The following SPDYC variants were observed in gnomAD, a reference collection of about 807,000 sequenced individuals.
SPDYC encodes speedy protein C.
SPDYC carries 25 observed loss-of-function variants against 33.9 expected under a neutral mutation model. The ratio of observed to expected loss-of-function variants is 0.74; its 90% confidence interval spans 0.54 to 1.03. The LOEUF is 1.03. Among genes scored for constraint, SPDYC ranks in the 50% least tolerant of loss-of-function variants. SPDYC has a pLI of 0.00. For missense variants in SPDYC, 349 were observed against 382.9 expected, an observed-to-expected ratio of 0.91 and a Z score of 0.74; for synonymous variants, 133 against 140.2, an observed-to-expected ratio of 0.95 and a Z score of 0.36.
chr11:65,172,233 T>C lies in SPDYC; in HGVS notation c.259-13T>C, dbSNP rs761845537. On this transcript the variant is annotated splice_polypyrimidine_tract_variant and intron_variant, in intron 3 of 6. Coordinates refer to ENST00000377185, the Ensembl canonical transcript of SPDYC. Reference sequence around the variant, plus strand: ...GAGAATAACTAACCCCCCACCCCGATCTGTCTCTGCAGTATCTCCTGGCCA... The same window carrying C: ...GAGAATAACTAACCCCCCACCCCGACCTGTCTCTGCAGTATCTCCTGGCCA... 3.7e-6 allele frequency: 6 copies of C among 1,614,074 alleles called. No homozygotes were observed. The highest frequency in any genetic ancestry group is 5.1e-6 in the Non-Finnish European group (6 of 1,179,950).
chr11:65,173,054 G>T, intron 6 of SPDYC, 40 bp downstream of exon 6: 1 of 1,603,202 alleles, frequency 6.2e-7, no homozygotes, highest in Non-Finnish European at 8.5e-7. Context: ...GCTGGTGTGG[G>T]AGCTTGGGAG....
intron 3 of SPDYC, 53 bp downstream of exon 3, chr11:65,172,054 A>G: frequency 6.3e-7 from 1 of 1,592,912 alleles, no homozygotes; most frequent in Non-Finnish European, 8.6e-7. Context: ...GTTGGTGGGA[A>G]TTGAGTGCCC....
chr11:65,172,208 G>T, intron 3 of SPDYC, 38 bp from the exon 4 acceptor site: 2 of 1,612,284 alleles, frequency 1.2e-6, no homozygotes, highest in Non-Finnish European at 8.5e-7. Flanking sequence ...CTCCTCCTCA[G>T]AGAATAACTA....
chr11:65,171,597 C>G, intron 2 of SPDYC, 98 bp downstream of exon 2: 1 of 1,313,526 alleles, frequency 7.6e-7, no homozygotes, highest in Non-Finnish European at 1.0e-6. Context: ...CATCTGAGAC[C>G]TCTGACCCTC....
chr11:65,171,237 C>A, intron 1 of SPDYC, 90 bp from the exon 2 acceptor site: 1 of 1,411,266 alleles, frequency 7.1e-7, no homozygotes, highest in Non-Finnish European at 9.5e-7. Flanking sequence ...CTGCACCCAC[C>A]CCTCCACCGT....
chr11:65,172,720 C>T lies in SPDYC; in HGVS notation c.553C>T (p.Arg185Trp), dbSNP rs369391845. The change falls in exon 6 of 7, where the codon CGG becomes TGG. Residue 185 changes from arginine to tryptophan, a missense_variant. By Grantham distance (101) the Arg-to-Trp change is moderately radical. Transcript: ENST00000377185. ...GGAGCCATTCCACTGGGCTTGGACT[C>T]GGGACCGGCGCCCCCACCATGGTGG... is the stretch of plus-strand genomic sequence containing the variant. The T allele has an allele frequency of 1.7e-5, 27 of 1,610,768 alleles. No homozygotes were observed. Among genetic ancestry groups the T allele is most frequent in the South Asian group, 4.4e-5 (4 of 90,906 alleles).
chr11:65,172,025 C>G (rs1409209740), intron 3 of SPDYC, 24 bp downstream of exon 3: 1 of 1,612,942 alleles, frequency 6.2e-7, no homozygotes, highest in Non-Finnish European at 8.5e-7. Context: ...GGCTGGGGGT[C>G]TCTTGAGGGT....
chr11:65,171,372 A>G (rs1948431006), exon 2 of SPDYC: 1 of 1,612,224 alleles, frequency 6.2e-7, no homozygotes, highest in African/African-American at 1.3e-5. Flanking sequence ...GTGACTCCCA[A>G]GACCCCACCA....
At chr11:65,172,527 G>A (rs1948448219) in exon 5 of SPDYC, 4 of 1,577,152 alleles carry the variant, frequency 2.5e-6, no homozygotes, top group East Asian at 2.2e-5. Flanking sequence ...TACGAGTGGG[G>A]AAATTCCTGC....
At position 65,172,809 on chromosome 11, in the gene SPDYC, C is replaced by G. The variant is rs1256046159; in HGVS notation, c.642C>G (p.Pro214=). 3 of 1,614,148 alleles carry G rather than the reference C, an allele frequency of 1.9e-6. No homozygotes were observed. The Admixed American group carries it at 5.0e-5, about 27-fold the overall frequency. The change falls in exon 6 of 7, where the codon CCC becomes CCG. Residue 214 remains proline, a synonymous_variant. Transcript: ENST00000377185. ...CCCGGGGCCCTGGCCTCTCGCCGCC[C>G]CACTGTTCCCCCTGTGGTTTGCCCC...
intron 1 of SPDYC, 31 bp downstream of exon 1, chr11:65,170,292 G>A: frequency 6.4e-7 from 1 of 1,563,672 alleles, no homozygotes; most frequent in Non-Finnish European, 8.7e-7. Context: ...AGGCTGGGTT[G>A]CTTGCGGGCG....
At chr11:65,173,316 G>C, downstream of SPDYC, 1 of 1,410,438 alleles carries the variant, frequency 7.1e-7, no homozygotes. Flanking sequence ...CCTGCAGCTT[G>C]TGCCCACTCT....
chr11:65,172,320 G>A, exon 4 of SPDYC: 1 of 1,614,144 alleles, frequency 6.2e-7, no homozygotes, highest in Non-Finnish European at 8.5e-7. Flanking sequence ...ACAGCAGCCT[G>A]TTCTTGGCCC....
exon 5 of SPDYC, chr11:65,172,574 G>C: frequency 1.3e-6 from 2 of 1,555,490 alleles, no homozygotes; most frequent in Non-Finnish European, 1.7e-6. Flanking sequence ...ATGGGTTTCC[G>C]GGCTGTTGTG....
chr11:65,171,308 G>A lies in SPDYC; in HGVS notation c.27-19G>A, dbSNP rs780366677. On this transcript the variant is annotated intron_variant, in intron 1 of 6. Transcript: ENST00000377185. ...ATCACGGGGGTACATGCTAAGTCCTGAGCCTCCTTTCTCTACAGGTCACCC... is the reference window on the plus strand; with the variant it reads ...ATCACGGGGGTACATGCTAAGTCCTAAGCCTCCTTTCTCTACAGGTCACCC... 1.2e-6 allele frequency: 2 copies of A among 1,601,152 alleles called. No individual in the cohort carries two copies. Among genetic ancestry groups the A allele is most frequent in the Admixed American group, 1.7e-5 (1 of 58,368 alleles).
At chr11:65,172,310 A>T in exon 4 of SPDYC, 3 of 1,614,012 alleles carry the variant, frequency 1.9e-6, no homozygotes, top group Non-Finnish European at 2.5e-6. Context: ...GAGTATACCC[A>T]CAGCAGCCTG....
At chr11:65,170,259 C>G (rs765089550) in exon 1 of SPDYC, 1 of 1,580,666 alleles carries the variant, frequency 6.3e-7, no homozygotes, top group South Asian at 1.1e-5. Flanking sequence ...TTCCTGAGCT[C>G]GGGTAAGGCT....
At chr11:65,172,164 C>G in intron 3 of SPDYC, 82 bp from the exon 4 acceptor site, 1 of 1,567,476 alleles carries the variant, frequency 6.4e-7, no homozygotes, top group South Asian at 1.1e-5. Context: ...GCAGCAAAAC[C>G]TCCCTGGGTG....
intron 2 of SPDYC, 83 bp from the exon 3 acceptor site, chr11:65,171,860 C>A: frequency 8.0e-7 from 1 of 1,250,200 alleles, no homozygotes; most frequent in Non-Finnish European, 1.2e-6. Context: ...TCAGTGGTGG[C>A]TTGGGCTTTG....
Sources: allele counts gnomAD v4.1 joint callset, GRCh38; gene constraint gnomAD v4.1.1; transcripts MANE v1.5; gene names NCBI Gene and HGNC (gene_info 2026-07-23, HGNC 2026-07-21).